The following STAG1 variants were observed in gnomAD, a reference collection of about 807,000 sequenced individuals.
The protein encoded by STAG1 is STAG1 cohesin complex component.
Under a neutral mutation model 170.9 loss-of-function variants are expected in STAG1, and 26 were observed. That is an observed-to-expected ratio of 0.15 (90% CI 0.11 to 0.21). The LOEUF is 0.21. STAG1 is among the 10% of genes least tolerant of loss of function. The pLI, the probability that STAG1 is intolerant of heterozygous loss-of-function variation, is 1.00. For synonymous variants in STAG1, 514 were observed against 497.7 expected, an observed-to-expected ratio of 1.03 and a Z score of -0.44; for missense variants, 964 against 1,509.5, an observed-to-expected ratio of 0.64 and a Z score of 5.99.
At chr3:136,642,635 A>C (rs1291928487) in intron 1 of STAG1, among the ~76,000 whole-genome samples, 3 of 152,206 alleles carry the variant, frequency 2.0e-5, no homozygotes, top group Non-Finnish European at 4.4e-5. Flanking sequence ...TTTGTATGGG[A>C]ATAATTTCTC....
chr3:136,464,686 T>C (rs1318276226), intron 13 of STAG1, among the ~76,000 whole-genome samples, 195 bp downstream of exon 13: 1 of 152,186 alleles, frequency 6.6e-6, no homozygotes, highest in Non-Finnish European at 1.5e-5. Flanking sequence ...AAAAGGAGTA[T>C]GTCACAAGGT....
chr3:136,351,413 C>A (rs998929003), intron 28 of STAG1, among the ~76,000 whole-genome samples: 1 of 151,942 alleles, frequency 6.6e-6, no homozygotes, highest in African/African-American at 2.4e-5. Flanking sequence ...ATATTTGGAA[C>A]AGGTTTAAAA....
intron 1 of STAG1, among the ~76,000 whole-genome samples, chr3:136,693,738 A>T (rs12330725): frequency 0.28 from 40,818 of 147,056 alleles, 5,529 homozygotes; most frequent in Middle Eastern, 0.33. Context: ...TCAGCTAATT[A>T]TTTTTTTTTT....
At position 136,443,525 on chromosome 3, in the gene STAG1, A is replaced by C. The variant is rs189265840; in HGVS notation, c.1429-121T>G. 5.2e-5 allele frequency: 35 copies of C among 676,800 alleles called. No homozygotes were observed. In the African/African-American group the frequency reaches 5.8e-4, roughly 11 times the overall value. The allele number at this position is 676,800 out of a possible 1,614,324, so 41.9% of individuals were successfully genotyped here. A position where few individuals can be genotyped will look rare whatever the true frequency, so the allele number is the denominator to read the frequency against. ...TGGCTTGGTTTCCATGATTCTAAAA[A>C]CCACTTAGAGAACAATATATATATT... On this transcript the variant is annotated intron_variant, in intron 14 of 33. Coordinates refer to ENST00000383202, the MANE Select transcript of STAG1 (RefSeq NM_005862.3).
At chr3:136,404,838 T>C (rs1008362721) in intron 21 of STAG1, among the ~76,000 whole-genome samples, 1 of 150,178 alleles carries the variant, frequency 6.7e-6, no homozygotes, top group Admixed American at 6.8e-5. Context: ...TAGAGAATAA[T>C]AGTAAGGAAA....
intron 5 of STAG1, among the ~76,000 whole-genome samples, chr3:136,551,206 A>AGAGAG (rs1269388476): frequency 6.7e-5 from 3 of 45,076 alleles, no homozygotes; most frequent in Non-Finnish European, 1.2e-4. Context: ...GTTGAGAGAG[A>AGAGAG]GTGAGAGAGA....
At chr3:136,646,773 G>A (rs1941033743) in intron 1 of STAG1, among the ~76,000 whole-genome samples, 1 of 152,004 alleles carries the variant, frequency 6.6e-6, no homozygotes, top group Non-Finnish European at 1.5e-5. Flanking sequence ...GGGCATGGTG[G>A]TGCATGCCTG....
intron 1 of STAG1, among the ~76,000 whole-genome samples, chr3:136,697,280 G>C (rs1942925301): frequency 6.6e-6 from 1 of 152,124 alleles, no homozygotes; most frequent in South Asian, 2.1e-4. Context: ...AAATTAAGCA[G>C]GTAGTTCCCA....
chr3:136,702,840 C>T (rs746148330), intron 1 of STAG1, among the ~76,000 whole-genome samples: 12 of 151,980 alleles, frequency 7.9e-5, no homozygotes, highest in African/African-American at 1.9e-4. Flanking sequence ...GAGGCCGAGG[C>T]GGGCAGATCA....
At chr3:136,638,286 AC>A (rs1559923922) in intron 1 of STAG1, among the ~76,000 whole-genome samples, 5 of 151,962 alleles carry the variant, frequency 3.3e-5, no homozygotes, top group Admixed American at 3.3e-4. Context: ...ATTACCCACC[AC>A]CACACCCAGC....
chr3:136,471,858 C>G (rs2089635806), intron 12 of STAG1, among the ~76,000 whole-genome samples: 1 of 152,040 alleles, frequency 6.6e-6, no homozygotes. Flanking sequence ...TTATTTTTGA[C>G]ACAGGGTCCT....
At chr3:136,738,610 G>A (rs1934481325) in intron 1 of STAG1, among the ~76,000 whole-genome samples, 1 of 152,064 alleles carries the variant, frequency 6.6e-6, no homozygotes, top group African/African-American at 2.4e-5. Context: ...GAGATCGATC[G>A]TACCACTGCC....
intron 1 of STAG1, among the ~76,000 whole-genome samples, chr3:136,685,167 T>A (rs1229091143): frequency 2.0e-5 from 3 of 152,032 alleles, no homozygotes; most frequent in African/African-American, 7.2e-5. Flanking sequence ...ATACAAAAAA[T>A]TAGCCGGATG....
intron 1 of STAG1, among the ~76,000 whole-genome samples, chr3:136,632,958 G>GA (rs1468683690): frequency 1.3e-5 from 2 of 152,062 alleles, no homozygotes; most frequent in African/African-American, 4.8e-5. Flanking sequence ...CCACCAAGAT[G>GA]AAAAATGTCA....
Position 136,589,224 on chromosome 3 carries a change from C to T in STAG1, c.297+15085G>A, listed in dbSNP as rs146721079. Reference sequence around the variant, plus strand: ...CTTTAAAAAGCCAATCAAGGCCGGGCGCAGTGGCACACGCCTGTAATCCTA... The same window carrying T: ...CTTTAAAAAGCCAATCAAGGCCGGGTGCAGTGGCACACGCCTGTAATCCTA... On this transcript the variant is annotated intron_variant, in intron 4 of 33. Transcript: ENST00000383202. Among the ~76,000 whole-genome samples, 598 of 152,180 alleles carry T rather than the reference C, an allele frequency of 3.9e-3. 2 individuals are homozygous for T. Among genetic ancestry groups the T allele is most frequent in the Middle Eastern group, 0.031 (9 of 294 alleles).
intron 9 of STAG1, among the ~76,000 whole-genome samples, chr3:136,496,761 A>G (rs1307036764): frequency 6.6e-6 from 1 of 152,190 alleles, no homozygotes; most frequent in African/African-American, 2.4e-5. Context: ...TGAAACCCAA[A>G]GTGAGCAGAT....
At chr3:136,744,169 A>C (rs542050302) in intron 1 of STAG1, among the ~76,000 whole-genome samples, 1 of 152,266 alleles carries the variant, frequency 6.6e-6, no homozygotes, top group East Asian at 1.9e-4. Context: ...CTCTACTAAA[A>C]ATACAAAATT....
intron 6 of STAG1, among the ~76,000 whole-genome samples, chr3:136,528,494 A>AC (rs34484071): frequency 0.48 from 33,782 of 70,348 alleles, 6,824 homozygotes; most frequent in Middle Eastern, 0.54. Context: ...ATGTCCCCGC[A>AC]CCCCCCCCCC....
intron 1 of STAG1, among the ~76,000 whole-genome samples, chr3:136,714,964 T>TATA (rs1491313421): frequency 3.1e-5 from 2 of 63,578 alleles, no homozygotes; most frequent in South Asian, 4.8e-4. Flanking sequence ...TATATATATA[T>TATA]TTTATATATA....
Sources: gnomAD v4.1 joint callset for allele counts (sites outside exome capture counted in the v4.1 genomes callset) on GRCh38, gnomAD v4.1.1 for gene constraint, MANE v1.5 for transcripts, NCBI Gene and HGNC (gene_info 2026-07-23, HGNC 2026-07-21) for gene names.